Variants in RIPOR3 observed in about 807,000 individuals in gnomAD.
RIPOR3 encodes family with sequence similarity 65 member C.
A neutral mutation model predicts 114.3 loss-of-function variants in RIPOR3; 95 were observed. The observed-to-expected ratio is 0.83, with a 90% CI of 0.70 to 0.99. The LOEUF (loss-of-function observed/expected upper bound fraction) is 0.99. Ranked by LOEUF, RIPOR3 falls within the 50% of genes least tolerant of loss-of-function variation. The pLI is 0.00. For missense variants in RIPOR3, 1,252 were observed against 1,266.9 expected (o/e 0.99, Z 0.18); for synonymous variants, 575 against 543.8 (o/e 1.06, Z -0.80).
chr20:50,686,156 A>G (rs1336238927), intron 1 of RIPOR3, among the ~76,000 whole-genome samples: 3 of 151,878 alleles, frequency 2.0e-5, no homozygotes, highest in Admixed American at 2.0e-4. Context: ...TCCCGGGTTC[A>G]CGCCATTCTC....
At chr20:50,684,868 T>C in intron 1 of RIPOR3, among the ~76,000 whole-genome samples, 1 of 152,212 alleles carries the variant, frequency 6.6e-6, no homozygotes, top group Admixed American at 6.5e-5. Context: ...TTCAACTTCC[T>C]GGGCTCAAGT....
rs541049348 is a variant in RIPOR3, at chr20:50,602,666, G to A, written c.1087-22C>T. 36 of 1,426,840 alleles carry A rather than the reference G, an allele frequency of 2.5e-5. No individual in the cohort carries two copies. In the Admixed American group the frequency reaches 3.1e-4, roughly 12 times the overall value. 88.4% of individuals were successfully genotyped at this position (1,426,840 alleles called of 1,614,324 possible). On this transcript the variant is annotated intron_variant, in intron 12 of 21. Coordinates refer to ENST00000327979, the MANE Select transcript of RIPOR3 (RefSeq NM_001290268.2). This position sits in a 1 kb window ranked among gnomAD's most constrained non-coding sequence, Gnocchi z 4.3. ...CAGACTGGAGAGGGGACACGGGAGC[G>A]GCCTCACCAGCCACCCCAGGGACCA... is the stretch of plus-strand genomic sequence containing the variant.
rs148332840 is a variant in RIPOR3 at position 50,609,356 on chromosome 20, C to T, written c.577G>A (p.Asp193Asn). 2.7e-5 allele frequency: 44 copies of T among 1,613,498 alleles called. No individual in the cohort carries two copies. The Admixed American group carries it at 3.5e-4, about 13-fold the overall frequency. ...AGGGCCCCCTCGATGAGCCACATGT[C>T]CTGCAAAGCCCCGGAGGTGGCTCAG... ...LGRSLHECAEDMWLIEGALEV... is the reference protein window; with the variant it reads ...LGRSLHECAENMWLIEGALEV... Residue 193 changes from aspartate (D) to asparagine (N), a missense_variant and splice_region_variant, in exon 8 of 22, where the codon GAC becomes AAC. Asp to Asn is a conservative substitution (Grantham distance 23, BLOSUM62 1). Coordinates refer to ENST00000327979, the MANE Select transcript of RIPOR3 (RefSeq NM_001290268.2).
chr20:50,609,567 G>A lies in RIPOR3; in HGVS notation c.576+6C>T. On this transcript the variant is annotated splice_donor_region_variant and intron_variant, in intron 7 of 21. Transcript: ENST00000327979. The stretch of plus-strand genomic sequence containing the variant: ...CTGCTGCCCAGCCCAGCTTGGCCCG[G>A]CCCACCTCGGCGCACTCGTGCAGGC... 1 of 1,423,944 alleles carries A rather than the reference G, an allele frequency of 7.0e-7. No homozygotes were observed. Among genetic ancestry groups the A allele is most frequent in the African/African-American group, 1.5e-5 (1 of 68,650 alleles). The allele number at this position is 1,423,944 out of a possible 1,614,324, so 88.2% of individuals were successfully genotyped here.
intron 1 of RIPOR3, among the ~76,000 whole-genome samples, chr20:50,679,723 C>T (rs1258006667): frequency 6.7e-6 from 1 of 149,678 alleles, no homozygotes; most frequent in Non-Finnish European, 1.5e-5. Context: ...GAGCCGAGAT[C>T]GCGCCACTGC....
At chr20:50,597,760 C>T (rs750992312) in intron 13 of RIPOR3, 50 bp from the exon 14 acceptor site, 42 of 1,593,296 alleles carry the variant, frequency 2.6e-5, no homozygotes, top group Non-Finnish European at 2.7e-5. Flanking sequence ...CCCACCCACC[C>T]GACTGGGACA....
intron 13 of RIPOR3, among the ~76,000 whole-genome samples, chr20:50,599,903 C>T (rs913798047): frequency 6.6e-6 from 1 of 151,452 alleles, no homozygotes; most frequent in African/African-American, 2.4e-5. Flanking sequence ...CACACACACA[C>T]TTTTTTTTCT....
intron 2 of RIPOR3, among the ~76,000 whole-genome samples, chr20:50,628,529 ACTT>A (rs1280885089): frequency 2.0e-5 from 3 of 151,470 alleles, no homozygotes; most frequent in East Asian, 1.9e-4. Context: ...GCGCAGATCC[ACTT>A]CTTCTGTCCC....
chr20:50,624,824 T>TGGTACTC (rs1429662619), intron 2 of RIPOR3, among the ~76,000 whole-genome samples: 1 of 152,182 alleles, frequency 6.6e-6, no homozygotes, highest in East Asian at 1.9e-4. Flanking sequence ...GCAGAGGCCT[T>TGGTACTC]GGTACTCGGC....
chr20:50,673,989 G>A (rs931063504), intron 1 of RIPOR3, among the ~76,000 whole-genome samples: 1 of 152,208 alleles, frequency 6.6e-6, no homozygotes, highest in Non-Finnish European at 1.5e-5. Flanking sequence ...GCTCTGCCAT[G>A]CACAGGAGTC....
At chr20:50,669,070 T>C (rs984447490) in intron 1 of RIPOR3, among the ~76,000 whole-genome samples, 3 of 151,898 alleles carry the variant, frequency 2.0e-5, no homozygotes, top group South Asian at 2.1e-4. Context: ...ACATATACAT[T>C]ATACACATAT....
intron 1 of RIPOR3, among the ~76,000 whole-genome samples, chr20:50,637,670 T>A (rs1447960811): frequency 6.6e-6 from 1 of 151,094 alleles, no homozygotes; most frequent in African/African-American, 2.4e-5. Context: ...AGGTCAGGAG[T>A]TCAAGATCAG....
At position 50,600,017 on chromosome 20, in the gene RIPOR3, C is replaced by T. The variant is rs993771923; in HGVS notation, c.1659+2055G>A. On this transcript the variant is annotated intron_variant, in intron 13 of 21. Coordinates refer to ENST00000327979, the MANE Select transcript of RIPOR3 (RefSeq NM_001290268.2). ...CCGGGTTCAAGTGATTCTCCTGCCT[C>T]AGCCTCCCAAGTAGCTGGGACTACA... is the stretch of plus-strand genomic sequence containing the variant. Among the ~76,000 whole-genome samples, 8 of 152,276 alleles carry T rather than the reference C, an allele frequency of 5.3e-5. No individual in the cohort carries two copies. In the East Asian group the frequency reaches 1.5e-3, roughly 29 times the overall value.
chr20:50,664,306 C>A (rs1348786428), intron 1 of RIPOR3, among the ~76,000 whole-genome samples: 2 of 152,208 alleles, frequency 1.3e-5, no homozygotes, highest in African/African-American at 4.8e-5. Context: ...CCGTGAAGCC[C>A]AGTGAGATCT....
At chr20:50,641,694 C>A (rs1252729080) in intron 1 of RIPOR3, among the ~76,000 whole-genome samples, 2 of 152,348 alleles carry the variant, frequency 1.3e-5, no homozygotes, top group East Asian at 3.9e-4. Context: ...CATCTCTTCC[C>A]CACCCAGGAG....
At chr20:50,603,096 G>A (rs2083565876) in intron 12 of RIPOR3, among the ~76,000 whole-genome samples, 2 of 152,176 alleles carry the variant, frequency 1.3e-5, no homozygotes, top group Admixed American at 6.5e-5. Context: ...TTCCCTTCCT[G>A]CTGTCTCCCA....
intron 1 of RIPOR3, among the ~76,000 whole-genome samples, chr20:50,646,612 G>C (rs1315331620): frequency 6.6e-6 from 1 of 152,136 alleles, no homozygotes; most frequent in South Asian, 2.1e-4. Flanking sequence ...TTGCAACCCT[G>C]CTCTACCAGC....
In RIPOR3 at chr20:50,587,227, A is replaced by AT. The variant is rs761083911; in HGVS notation, c.*4dup. 99 of 1,612,428 alleles carry AT rather than the reference A, an allele frequency of 6.1e-5. No homozygotes were observed. The East Asian group carries it at 1.4e-3, about 22-fold the overall frequency. ...GTGAGATTTGTGCTCATCAGCCAGG[A>AT]TTTTTTAAAATATTGTGATTTCAAC... On this transcript the variant is annotated 3_prime_UTR_variant, in exon 22 of 22. Transcript: ENST00000327979.
At chr20:50,685,222 A>ATTTTT (rs35813074) in intron 1 of RIPOR3, among the ~76,000 whole-genome samples, 2 of 128,034 alleles carry the variant, frequency 1.6e-5, no homozygotes, top group African/African-American at 2.9e-5. Flanking sequence ...ATGGGATAGA[A>ATTTTT]TTTTTTTTTT....
Sources: allele counts gnomAD v4.1 joint callset (sites outside exome capture counted in the v4.1 genomes callset), GRCh38; gene constraint gnomAD v4.1.1; non-coding constraint Gnocchi (gnomAD v3.1); transcripts MANE v1.5; gene names NCBI Gene and HGNC (gene_info 2026-07-23, HGNC 2026-07-21).